DACH2: variants seen among roughly 807,000 people sequenced by gnomAD.
DACH2 encodes the protein dachshund family transcription factor 2.
In DACH2, 17 loss-of-function variants were observed where a neutral mutation model predicts 35.8. The ratio of observed to expected loss-of-function variants is 0.48; its 90% confidence interval spans 0.33 to 0.71. The LOEUF is 0.71. DACH2 is among the 30% of genes least tolerant of loss of function. The pLI, the probability that DACH2 is intolerant of heterozygous loss-of-function variation, is 0.02. For synonymous variants in DACH2, 195 were observed against 177.3 expected, an observed-to-expected ratio of 1.10 and a Z score of -0.79; for missense variants, 469 against 472.7, an observed-to-expected ratio of 0.99 and a Z score of 0.07.
intron 3 of DACH2, among the ~76,000 whole-genome samples, chrX:86,610,410 T>TTTC (rs1406558696): frequency 3.9e-5 from 3 of 77,475 alleles, no homozygotes; most frequent in Non-Finnish European, 7.2e-5. Context: ...TCTTTCTTTC[T>TTTC]TTCTTTCTTT....
intron 2 of DACH2, among the ~76,000 whole-genome samples, chrX:86,465,594 G>A (rs1347181065): frequency 8.9e-6 from 1 of 111,790 alleles, no homozygotes; most frequent in African/African-American, 3.2e-5. Context: ...CCTACGTTGA[G>A]CCTTACTGGC....
At chrX:86,554,142 T>G (rs907667851) in intron 3 of DACH2, among the ~76,000 whole-genome samples, 3 of 111,472 alleles carry the variant, frequency 2.7e-5, no homozygotes, top group African/African-American at 9.8e-5. Flanking sequence ...TGAACACAAA[T>G]GAGAAGTTAA....
intron 3 of DACH2, among the ~76,000 whole-genome samples, chrX:86,552,751 G>A (rs1338409726): frequency 1.8e-5 from 2 of 111,148 alleles, no homozygotes; most frequent in Admixed American, 9.7e-5. Flanking sequence ...TAATACAATG[G>A]TTATTTTTTT....
At chrX:86,269,096 G>A (rs760774134) in intron 1 of DACH2, among the ~76,000 whole-genome samples, 1 of 108,260 alleles carries the variant, frequency 9.2e-6, no homozygotes, top group Non-Finnish European at 1.9e-5. Flanking sequence ...CTATTTTTTT[G>A]TACCTATGAA....
rs938588596 is a variant in DACH2, at chrX:86,494,192, A to G, written c.528-20087A>G. Reference sequence around the variant, plus strand: ...AACAAAGTTACAGGAAGATGTAGCTATGACATTTTATGTACATGGAACAAG... The same window carrying G: ...AACAAAGTTACAGGAAGATGTAGCTGTGACATTTTATGTACATGGAACAAG... On this transcript the variant is annotated intron_variant, in intron 2 of 11. Coordinates refer to ENST00000373125, the MANE Select transcript of DACH2 (RefSeq NM_053281.3). Among the ~76,000 whole-genome samples the G allele has an allele frequency of 6.2e-5, 7 of 112,447 alleles. No homozygotes were observed. In the East Asian group the frequency reaches 2.0e-3, roughly 31 times the overall value.
intron 1 of DACH2, among the ~76,000 whole-genome samples, chrX:86,345,806 T>A (rs2035486558): frequency 8.9e-6 from 1 of 111,827 alleles, no homozygotes; most frequent in Non-Finnish European, 1.9e-5. Flanking sequence ...TAGGGCATTT[T>A]AGTTTACAGT....
chrX:86,520,976 C>T (rs952774157), intron 3 of DACH2, among the ~76,000 whole-genome samples: 3 of 111,140 alleles, frequency 2.7e-5, no homozygotes, highest in East Asian at 2.8e-4. Context: ...GGCTTGTTTT[C>T]GTGGTTGCTT....
intron 1 of DACH2, among the ~76,000 whole-genome samples, chrX:86,344,645 C>G (rs1047786402): frequency 9.0e-6 from 1 of 111,302 alleles, no homozygotes; most frequent in African/African-American, 3.3e-5. Flanking sequence ...CTTCTGTCCA[C>G]AGTCACTTTT....
At chrX:86,766,500 C>G (rs1397668347) in intron 7 of DACH2, among the ~76,000 whole-genome samples, 1 of 111,477 alleles carries the variant, frequency 9.0e-6, no homozygotes, top group African/African-American at 3.3e-5. Flanking sequence ...GAGGTGTGAA[C>G]CAGTTCCAAC....
intron 2 of DACH2, among the ~76,000 whole-genome samples, chrX:86,402,228 A>G (rs762443002): frequency 8.9e-5 from 10 of 112,187 alleles, no homozygotes; most frequent in Non-Finnish European, 1.7e-4. Context: ...CCAAATAGGA[A>G]AAGAAGAAAT....
intron 6 of DACH2, among the ~76,000 whole-genome samples, chrX:86,727,444 TG>T (rs1303748559): frequency 2.7e-5 from 3 of 111,829 alleles, no homozygotes; most frequent in African/African-American, 6.5e-5. Flanking sequence ...CTTACTGTCA[TG>T]TTTTTTTTTC....
chrX:86,262,724 G>T (rs2033649180), intron 1 of DACH2, among the ~76,000 whole-genome samples: 1 of 111,970 alleles, frequency 8.9e-6, no homozygotes, highest in African/African-American at 3.3e-5. Flanking sequence ...CTGAGCTGGA[G>T]CCTTTTATCA....
At chrX:86,298,534 T>G (rs1237395251) in intron 1 of DACH2, among the ~76,000 whole-genome samples, 6 of 111,770 alleles carry the variant, frequency 5.4e-5, no homozygotes, top group Non-Finnish European at 1.1e-4. Flanking sequence ...ATAAACTGGG[T>G]AAAGTGCATT....
chrX:86,462,487 G>A (rs1349686266), intron 2 of DACH2, among the ~76,000 whole-genome samples: 1 of 111,272 alleles, frequency 9.0e-6, no homozygotes, highest in Non-Finnish European at 1.9e-5. Context: ...AGGGGCAAGA[G>A]GTCTTGTACA....
intron 7 of DACH2, among the ~76,000 whole-genome samples, chrX:86,776,665 G>GC (rs896711389): frequency 2.7e-5 from 3 of 110,834 alleles, no homozygotes; most frequent in Admixed American, 9.7e-5. Context: ...GTATACATGT[G>GC]CCATGTTGGT....
rs764038851 is a variant in DACH2 at position 86,705,209 on chromosome X, G to A, written c.932-9339G>A. ...ACTCAGGAATGGAAAACCAAACATA[G>A]TGTGTTCCCACTCATAAGCGAGAGG... On this transcript the variant is annotated intron_variant, in intron 5 of 11. Coordinates refer to ENST00000373125, the MANE Select transcript of DACH2 (RefSeq NM_053281.3). 3.6e-5 allele frequency among the ~76,000 whole-genome samples: 4 copies of A among 109,753 alleles called. No individual in the cohort carries two copies. In the South Asian group the frequency reaches 1.6e-3, roughly 43 times the overall value.
rs146069315 is a variant in DACH2, at chrX:86,316,632, A to T, written c.489-60192A>T. ...AATGGCTGTTAGGGGGAATTGGGCG[A>T]TGACTTCTTCAGGCTACTTTCTGCT... On this transcript the variant is annotated intron_variant, in intron 1 of 11. Coordinates refer to ENST00000373125, the MANE Select transcript of DACH2 (RefSeq NM_053281.3). Among the ~76,000 whole-genome samples, 106 of 111,319 alleles carry T rather than the reference A, an allele frequency of 9.5e-4. 1 individual carries two copies. The East Asian group carries it at 0.025, about 27-fold the overall frequency.
chrX:86,768,805 C>T (rs1401292408), intron 7 of DACH2, among the ~76,000 whole-genome samples: 2 of 110,982 alleles, frequency 1.8e-5, no homozygotes, highest in African/African-American at 6.6e-5. Flanking sequence ...TATACTTCCC[C>T]TGTTTTGGAG....
At chrX:86,290,622 G>T (rs188951869) in intron 1 of DACH2, among the ~76,000 whole-genome samples, 18,760 of 108,005 alleles carry the variant, frequency 0.17, 1,923 homozygotes, top group African/African-American at 0.34. Flanking sequence ...AAGGGATCCA[G>T]TTTCAGCTTT....
Sources: allele counts gnomAD v4.1 joint callset (sites outside exome capture counted in the v4.1 genomes callset), GRCh38; gene constraint gnomAD v4.1.1; transcripts MANE v1.5; gene names NCBI Gene and HGNC (gene_info 2026-07-23, HGNC 2026-07-21).